TRNAU1AP: variants seen among roughly 807,000 people sequenced by gnomAD.
TRNAU1AP encodes the protein tRNA selenocysteine 1 associated protein 1.
TRNAU1AP carries 33 observed loss-of-function variants against 43.3 expected under a neutral mutation model. The observed-to-expected ratio is 0.76, with a 90% CI of 0.58 to 1.02. The LOEUF (loss-of-function observed/expected upper bound fraction) is 1.02, where lower values mean the gene tolerates loss of function less well. Among genes scored for constraint, TRNAU1AP ranks in the 50% least tolerant of loss-of-function variants. The probability of loss-of-function intolerance (pLI) is 0.00; values close to 1 mark genes in which losing one functional copy is unlikely to be tolerated. For synonymous variants in TRNAU1AP, 143 were observed against 129.1 expected, an observed-to-expected ratio of 1.11 and a Z score of -0.73; for missense variants, 290 against 362.7, an observed-to-expected ratio of 0.80 and a Z score of 1.63.
chr1:28,553,143 T>A lies in TRNAU1AP; in HGVS notation c.27+6T>A. 5 of 1,513,436 alleles carry A rather than the reference T, an allele frequency of 3.3e-6. No individual in the cohort carries two copies. Among genetic ancestry groups the A allele is most frequent in the East Asian group, 2.6e-5 (1 of 38,248 alleles). The allele number at this position is 1,513,436 out of a possible 1,614,324, so 93.8% of individuals were successfully genotyped here. On this transcript the variant is annotated splice_donor_region_variant and intron_variant, in intron 1 of 8. Transcript: ENST00000373830. ...CCAGCCTGTGGATGGGCGACGTGAGTGAGGGCAGCCGTCCGGGGTCTGAAG... is the reference window on the plus strand; with the variant it reads ...CCAGCCTGTGGATGGGCGACGTGAGAGAGGGCAGCCGTCCGGGGTCTGAAG...
chr1:28,571,476 T>A (rs975454769), intron 7 of TRNAU1AP, 138 bp downstream of exon 7: 2 of 877,180 alleles, frequency 2.3e-6, no homozygotes, highest in Non-Finnish European at 3.5e-6. Context: ...GTCCAGTTCC[T>A]CTTGTTAAAA....
At chr1:28,573,757 T>C (rs1665714429) in intron 8 of TRNAU1AP, among the ~76,000 whole-genome samples, 1 of 143,356 alleles carries the variant, frequency 7.0e-6, no homozygotes, top group Non-Finnish European at 1.5e-5. Context: ...TGGGCAACAG[T>C]GCAAGACTCT....
chr1:28,572,266 T>C (rs1665678414), intron 8 of TRNAU1AP, among the ~76,000 whole-genome samples: 1 of 152,140 alleles, frequency 6.6e-6, no homozygotes, highest in South Asian at 2.1e-4. Flanking sequence ...TGATCTCAGT[T>C]CACCGCAACC....
intron 6 of TRNAU1AP, among the ~76,000 whole-genome samples, chr1:28,568,613 T>C (rs942772235): frequency 2.0e-5 from 3 of 152,134 alleles, no homozygotes; most frequent in Non-Finnish European, 1.5e-5. Flanking sequence ...GATTTTCAAC[T>C]GGAGTGATTT....
chr1:28,571,367 C>T (rs1282607857), intron 7 of TRNAU1AP, 29 bp downstream of exon 7: 1 of 1,612,464 alleles, frequency 6.2e-7, no homozygotes, highest in South Asian at 1.1e-5. Context: ...GACTGGTCCC[C>T]TTGGGTTGTG....
intron 3 of TRNAU1AP, 33 bp from the exon 4 acceptor site, chr1:28,561,313 T>C: frequency 1.2e-6 from 2 of 1,613,786 alleles, no homozygotes; most frequent in Non-Finnish European, 1.7e-6. Flanking sequence ...AACACCTTTC[T>C]CTGTTTTAGT....
intron 5 of TRNAU1AP, among the ~76,000 whole-genome samples, chr1:28,566,115 G>T (rs1324685324): frequency 1.3e-5 from 2 of 152,018 alleles, no homozygotes; most frequent in Non-Finnish European, 2.9e-5. Flanking sequence ...AGGAGTTCAA[G>T]ACTAGCCTGG....
At chr1:28,553,859 C>A in intron 2 of TRNAU1AP, 122 bp downstream of exon 2, 2 of 913,486 alleles carry the variant, frequency 2.2e-6, no homozygotes, top group Non-Finnish European at 3.4e-6. Context: ...ATTATAACAG[C>A]TAACATTTTG....
intron 8 of TRNAU1AP, among the ~76,000 whole-genome samples, chr1:28,576,963 G>A (rs916244042): frequency 6.6e-6 from 1 of 152,192 alleles, no homozygotes; most frequent in Non-Finnish European, 1.5e-5. Flanking sequence ...TACTTTGGGA[G>A]GCTAAGGCGG....
At chr1:28,564,089 A>G (rs1395897861) in intron 4 of TRNAU1AP, among the ~76,000 whole-genome samples, 2 of 151,808 alleles carry the variant, frequency 1.3e-5, no homozygotes, top group Non-Finnish European at 2.9e-5. Context: ...ACTTGGCGAA[A>G]CCCCGTCTCT....
At chr1:28,553,418 G>A in intron 1 of TRNAU1AP, 1 of 622,080 alleles carries the variant, frequency 1.6e-6, no homozygotes, top group African/African-American at 1.8e-5. Context: ...GCTGTTCTGG[G>A]ACCGGAGGAG....
chr1:28,559,140 C>T (rs1356527372), intron 2 of TRNAU1AP, among the ~76,000 whole-genome samples: 4 of 151,758 alleles, frequency 2.6e-5, no homozygotes, highest in Admixed American at 6.6e-5. Context: ...GGCGCGATCT[C>T]GGCTCACTGC....
In TRNAU1AP at chr1:28,571,791, T is replaced by TA. The variant is rs984220100; in HGVS notation, c.694-70dup. 4.6e-5 allele frequency: 58 copies of TA among 1,253,090 alleles called. 2 individuals are homozygous for TA. The highest frequency in any genetic ancestry group is 6.7e-5 in the Non-Finnish European group (58 of 866,588). 77.6% of individuals were successfully genotyped at this position (1,253,090 alleles called of 1,614,324 possible). On this transcript the variant is annotated intron_variant, in intron 7 of 8. Coordinates refer to ENST00000373830, the MANE Select transcript of TRNAU1AP (RefSeq NM_017846.5). The stretch of plus-strand genomic sequence containing the variant: ...GAGCTAGACTCCACCTCAAAAAAAA[T>TA]AAAAAATATAAGCCACTGTGGTCCT...
At chr1:28,558,644 A>G (rs1665333437) in intron 2 of TRNAU1AP, among the ~76,000 whole-genome samples, 1 of 147,780 alleles carries the variant, frequency 6.8e-6, no homozygotes, top group Non-Finnish European at 1.5e-5. Context: ...TGCTCACTGC[A>G]AGCTCTGCCT....
rs1665758488 is a variant in TRNAU1AP at position 28,575,555 on chromosome 1, CG to C, written c.728-1942del. On this transcript the variant is annotated intron_variant, in intron 8 of 8. Coordinates refer to ENST00000373830, the MANE Select transcript of TRNAU1AP (RefSeq NM_017846.5). ...TCAGCTCACTGCAACCTCCGCCTCC[CG>C]GGTTCAAGTGATTCTTCTGCCTCAG... 4.0e-5 allele frequency among the ~76,000 whole-genome samples: 6 copies of C among 150,776 alleles called. No homozygotes were observed. In the South Asian group the frequency reaches 1.3e-3, roughly 32 times the overall value.
chr1:28,562,655 A>C (rs192852136), intron 4 of TRNAU1AP, among the ~76,000 whole-genome samples: 1 of 149,516 alleles, frequency 6.7e-6, no homozygotes, highest in Non-Finnish European at 1.5e-5. Context: ...ATCTCTGCTC[A>C]CTGCAAGCTC....
intron 4 of TRNAU1AP, among the ~76,000 whole-genome samples, chr1:28,562,947 G>A (rs1194328634): frequency 4.1e-5 from 6 of 146,720 alleles, no homozygotes; most frequent in Non-Finnish European, 1.5e-5. Flanking sequence ...CCAAGCTGGA[G>A]TGCAGTGGCA....
intron 8 of TRNAU1AP, among the ~76,000 whole-genome samples, chr1:28,576,888 T>C (rs1026683558): frequency 5.3e-5 from 8 of 152,180 alleles, no homozygotes; most frequent in Non-Finnish European, 8.8e-5. Context: ...CATGAGCCAC[T>C]GTGCAGAAAA....
At chr1:28,576,160 T>G (rs1205209463) in intron 8 of TRNAU1AP, among the ~76,000 whole-genome samples, 1 of 149,260 alleles carries the variant, frequency 6.7e-6, no homozygotes, top group African/African-American at 2.5e-5. Context: ...TGCCCAGTTT[T>G]TTTTTTTTTT....
Sources: gnomAD v4.1 joint callset for allele counts (sites outside exome capture counted in the v4.1 genomes callset) on GRCh38, gnomAD v4.1.1 for gene constraint, MANE v1.5 for transcripts, NCBI Gene and HGNC (gene_info 2026-07-23, HGNC 2026-07-21) for gene names.